The following SMOC2 variants were observed in gnomAD, a reference collection of about 807,000 sequenced individuals.
SMOC2 encodes SPARC related modular calcium binding 2.
In SMOC2, 39 loss-of-function variants were observed where a neutral mutation model predicts 61.4. That is an observed-to-expected ratio of 0.64 (90% CI 0.49 to 0.83). SMOC2 has a LOEUF of 0.83. Ranked by LOEUF, SMOC2 falls within the 40% of genes least tolerant of loss-of-function variation. The pLI, the probability that SMOC2 is intolerant of heterozygous loss-of-function variation, is 0.00. For missense variants in SMOC2, 556 were observed against 592.9 expected, an observed-to-expected ratio of 0.94 and a Z score of 0.65; for synonymous variants, 247 against 239.9, an observed-to-expected ratio of 1.03 and a Z score of -0.27.
chr6:168,614,293 C>T (rs1403207038), intron 9 of SMOC2, among the ~76,000 whole-genome samples: 1 of 77,074 alleles, frequency 1.3e-5, no homozygotes, highest in Non-Finnish European at 2.6e-5. Flanking sequence ...AGCACAGGGC[C>T]TCTTCACACC....
At chr6:168,540,078 C>T (rs941460878) in intron 4 of SMOC2, among the ~76,000 whole-genome samples, 3 of 152,206 alleles carry the variant, frequency 2.0e-5, no homozygotes, top group African/African-American at 2.4e-5. Context: ...GCTGTGTACA[C>T]GGTTGCAATA....
intron 1 of SMOC2, among the ~76,000 whole-genome samples, chr6:168,507,465 T>C (rs900886009): frequency 1.3e-5 from 2 of 152,186 alleles, no homozygotes; most frequent in African/African-American, 4.8e-5. Flanking sequence ...GCTGAGATCC[T>C]CAAGTACCTG....
intron 7 of SMOC2, among the ~76,000 whole-genome samples, chr6:168,559,030 T>A (rs1441488160): frequency 6.6e-6 from 1 of 152,242 alleles, no homozygotes; most frequent in Admixed American, 6.5e-5. Flanking sequence ...AATCAGGTAC[T>A]GGAAATCGTA....
At chr6:168,444,075 C>G (rs186783829) in intron 1 of SMOC2, among the ~76,000 whole-genome samples, 4 of 152,258 alleles carry the variant, frequency 2.6e-5, no homozygotes, top group South Asian at 2.1e-4. Context: ...ATGCATATAG[C>G]GTTGTGGCAT....
chr6:168,655,411 T>C (rs923590026), intron 11 of SMOC2: 10 of 456,504 alleles, frequency 2.2e-5, no homozygotes, highest in African/African-American at 1.0e-4. Flanking sequence ...AAGAGAAACC[T>C]GTGATGGCCA....
intron 10 of SMOC2, among the ~76,000 whole-genome samples, chr6:168,652,267 G>A (rs1454000745): frequency 6.6e-6 from 1 of 152,176 alleles, no homozygotes. Flanking sequence ...GAAAGGTTGA[G>A]AAATTGGCAA....
chr6:168,519,593 C>A (rs139633276), intron 2 of SMOC2, among the ~76,000 whole-genome samples: 2 of 152,260 alleles, frequency 1.3e-5, no homozygotes, highest in East Asian at 1.9e-4. Flanking sequence ...CCTAGAACAT[C>A]GCACATCCAA....
intron 8 of SMOC2, among the ~76,000 whole-genome samples, chr6:168,603,914 G>T (rs1382914335): frequency 1.3e-5 from 2 of 152,216 alleles, no homozygotes; most frequent in East Asian, 3.8e-4. Flanking sequence ...TTTATCAAAA[G>T]GTGGGGTGTA....
intron 1 of SMOC2, among the ~76,000 whole-genome samples, chr6:168,442,865 C>G (rs1291437344): frequency 6.6e-6 from 1 of 152,210 alleles, no homozygotes; most frequent in African/African-American, 2.4e-5. Flanking sequence ...AAACTGCTAA[C>G]TGGGGCTCCA....
chr6:168,530,135 C>T (rs947198463), intron 4 of SMOC2, among the ~76,000 whole-genome samples: 49 of 152,048 alleles, frequency 3.2e-4, no homozygotes, highest in African/African-American at 7.2e-4. Context: ...TAAAAAGAGC[C>T]GTAGATAGGA....
intron 9 of SMOC2, among the ~76,000 whole-genome samples, chr6:168,649,910 G>A (rs976402632): frequency 6.6e-6 from 1 of 152,194 alleles, no homozygotes; most frequent in African/African-American, 2.4e-5. Context: ...CAGGAGAAAA[G>A]ACCCCAGAGA....
chr6:168,610,876 G>A (rs1785840673), intron 9 of SMOC2, among the ~76,000 whole-genome samples: 1 of 152,166 alleles, frequency 6.6e-6, no homozygotes, highest in Non-Finnish European at 1.5e-5. Context: ...TTCCTCCTGG[G>A]ACTATCACAT....
intron 1 of SMOC2, among the ~76,000 whole-genome samples, chr6:168,480,940 A>G (rs1225443827): frequency 2.0e-5 from 3 of 152,160 alleles, no homozygotes; most frequent in African/African-American, 7.2e-5. Context: ...AAAATCAAAA[A>G]CAAAACAATC....
intron 11 of SMOC2, 122 bp from the exon 12 acceptor site, chr6:168,663,952 T>G: frequency 1.6e-5 from 12 of 760,594 alleles, no homozygotes; most frequent in Non-Finnish European, 2.5e-5. Flanking sequence ...TTCATATAAA[T>G]GAGTTTGCCA....
chr6:168,459,324 G>T (rs919776180), intron 1 of SMOC2, among the ~76,000 whole-genome samples: 3 of 152,200 alleles, frequency 2.0e-5, no homozygotes, highest in African/African-American at 7.2e-5. Context: ...ACGCGCCTGG[G>T]TCCCTGGTGG....
chr6:168,536,336 C>T (rs1052611792), intron 4 of SMOC2, among the ~76,000 whole-genome samples: 1 of 152,080 alleles, frequency 6.6e-6, no homozygotes, highest in Non-Finnish European at 1.5e-5. Context: ...GCTTGGGGTC[C>T]TGGCCTGGCC....
At chr6:168,497,654 C>T (rs761370219) in intron 1 of SMOC2, among the ~76,000 whole-genome samples, 1 of 152,090 alleles carries the variant, frequency 6.6e-6, no homozygotes, top group Non-Finnish European at 1.5e-5. Context: ...GACCAATCCC[C>T]GTTAGGAGCC....
chr6:168,448,533 GGATGGGGAGGAGGACGGA>G (rs1198985693), intron 1 of SMOC2, among the ~76,000 whole-genome samples: 6 of 145,940 alleles, frequency 4.1e-5, no homozygotes, highest in African/African-American at 1.0e-4. Context: ...AGGAGGATGA[GGATGGGGAGGAGGACGGA>G]GATGGGGAGG....
At chr6:168,620,622 C>T (rs1487158080) in intron 9 of SMOC2, among the ~76,000 whole-genome samples, 1 of 152,074 alleles carries the variant, frequency 6.6e-6, no homozygotes, top group African/African-American at 2.4e-5. Context: ...GAACATTTCA[C>T]CCTCACCCTA....
Sources: gnomAD v4.1 joint callset for allele counts (sites outside exome capture counted in the v4.1 genomes callset) on GRCh38, gnomAD v4.1.1 for gene constraint, MANE v1.5 for transcripts, NCBI Gene and HGNC (gene_info 2026-07-23, HGNC 2026-07-21) for gene names.